The following PCDHGB1 variants were observed in gnomAD, a reference collection of about 807,000 sequenced individuals.
The protein encoded by PCDHGB1 is protocadherin gamma subfamily B, 1.
PCDHGB1 carries 34 observed loss-of-function variants against 56.6 expected under a neutral mutation model. The observed-to-expected ratio is 0.60, with a 90% confidence interval of 0.46 to 0.80. The LOEUF is 0.80. Among genes scored for constraint, PCDHGB1 ranks in the 30% least tolerant of loss-of-function variants. The probability of loss-of-function intolerance (pLI) is 0.00; values close to 1 mark genes in which losing one functional copy is unlikely to be tolerated. For missense variants in PCDHGB1, 1,278 were observed against 1,204.6 expected, an observed-to-expected ratio of 1.06 and a Z score of -0.90; for synonymous variants, 561 against 505.9, an observed-to-expected ratio of 1.11 and a Z score of -1.46.
At chr5:141,445,838 A>T (rs1302150397) in intron 1 of PCDHGB1, among the ~76,000 whole-genome samples, 1 of 152,218 alleles carries the variant, frequency 6.6e-6, no homozygotes, top group South Asian at 2.1e-4. Flanking sequence ...GAGCCTTGTA[A>T]ATCACACTTA....
intron 1 of PCDHGB1, chr5:141,405,103 G>T (rs368202826): frequency 3.1e-6 from 5 of 1,613,804 alleles, no homozygotes; most frequent in Non-Finnish European, 4.2e-6. Flanking sequence ...TCAGGCTGAG[G>T]CACTGGCACT....
intron 1 of PCDHGB1, among the ~76,000 whole-genome samples, chr5:141,460,251 A>G (rs2098984972): frequency 6.6e-6 from 1 of 152,114 alleles, no homozygotes; most frequent in Admixed American, 6.6e-5. Context: ...TAATTTTGAT[A>G]AAGCCCAATT....
Position 141,402,817 on chromosome 5 carries a change from C to T in PCDHGB1, c.2409+50148C>T, listed in dbSNP as rs1040353038. On this transcript the variant is annotated intron_variant, in intron 1 of 3. Transcript: ENST00000523390. ...ACAAAACCCGGCAGATACCACAAACCTGCTCCCAGGCTGCAGCAAAACTCA... is the reference window on the plus strand; with the variant it reads ...ACAAAACCCGGCAGATACCACAAACTTGCTCCCAGGCTGCAGCAAAACTCA... The T allele has an allele frequency of 6.3e-6, 8 of 1,267,616 alleles. No homozygotes were observed. In the African/African-American group the frequency reaches 1.2e-4, roughly 19 times the overall value. The allele number at this position is 1,267,616 out of a possible 1,614,324, so 78.5% of individuals were successfully genotyped here.
At chr5:141,355,439 G>T in intron 1 of PCDHGB1, 1 of 1,614,108 alleles carries the variant, frequency 6.2e-7, no homozygotes, top group Non-Finnish European at 8.5e-7. Flanking sequence ...CTGAACCCGC[G>T]CAGCGGCACC....
chr5:141,473,237 A>C (rs2099317600), intron 1 of PCDHGB1, among the ~76,000 whole-genome samples: 1 of 152,194 alleles, frequency 6.6e-6, no homozygotes, highest in African/African-American at 2.4e-5. Context: ...GATCCACACA[A>C]GTGAATACAT....
intron 1 of PCDHGB1, chr5:141,428,087 G>A (rs2097108117): frequency 6.2e-7 from 1 of 1,609,106 alleles, no homozygotes; most frequent in Non-Finnish European, 8.5e-7. Context: ...ACAACGCTTG[G>A]CTGTCCTACC....
chr5:141,387,299 G>A (rs1405240674), intron 1 of PCDHGB1, among the ~76,000 whole-genome samples: 2 of 152,182 alleles, frequency 1.3e-5, no homozygotes, highest in South Asian at 2.1e-4. Flanking sequence ...AATGTATCCA[G>A]TATATTTCTA....
chr5:141,360,270 G>T (rs1761507525), intron 1 of PCDHGB1: 2 of 1,613,904 alleles, frequency 1.2e-6, no homozygotes, highest in African/African-American at 1.3e-5. Flanking sequence ...CCAAAAACTC[G>T]GTCGTAGGAA....
At chr5:141,505,559 G>A (rs1215110084) in intron 3 of PCDHGB1, 78 bp downstream of exon 3, 27 of 1,604,592 alleles carry the variant, frequency 1.7e-5, no homozygotes, top group Non-Finnish European at 2.0e-5. Flanking sequence ...CCATGCCCAC[G>A]GACTGGATGT....
At chr5:141,387,628 G>A (rs2091015052) in intron 1 of PCDHGB1, 1 of 577,308 alleles carries the variant, frequency 1.7e-6, no homozygotes, top group Admixed American at 3.5e-5. Context: ...GCTGACTCTG[G>A]GCGCCGCTGT....
intron 1 of PCDHGB1, chr5:141,412,489 T>C (rs1292155082): frequency 6.6e-6 from 1 of 152,176 alleles, no homozygotes; most frequent in East Asian, 1.9e-4. Context: ...TCTTACACAA[T>C]CCTAAGCTAA....
chr5:141,437,165 T>A (rs62379162), intron 1 of PCDHGB1, among the ~76,000 whole-genome samples: 3,747 of 152,330 alleles, frequency 0.025, 69 homozygotes, highest in Middle Eastern at 0.085. Context: ...TGTTGATTGT[T>A]TTCTGAGACT....
chr5:141,422,670 C>CA (rs754910458), intron 1 of PCDHGB1: 6 of 1,607,126 alleles, frequency 3.7e-6, no homozygotes, highest in Non-Finnish European at 1.7e-6. Flanking sequence ...TCGACCCGGA[C>CA]AGCAAACAGA....
chr5:141,436,063 A>G (rs1406994228), intron 1 of PCDHGB1, among the ~76,000 whole-genome samples: 1 of 152,230 alleles, frequency 6.6e-6, no homozygotes, highest in Non-Finnish European at 1.5e-5. Flanking sequence ...ATAGAATTTA[A>G]TAAGTACAGT....
At chr5:141,415,116 A>T in intron 1 of PCDHGB1, 1 of 1,613,652 alleles carries the variant, frequency 6.2e-7, no homozygotes, top group Non-Finnish European at 8.5e-7. Flanking sequence ...AAAGCCTCGT[A>T]GTGGCCGTCC....
At position 141,355,028 on chromosome 5, in the gene PCDHGB1, C is replaced by T. The variant is rs1759694339; in HGVS notation, c.2409+2359C>T. Reference sequence around the variant, plus strand: ...CAAACCAGAAATTTAATCAGAATCACAAGATTTCTGCAGCACAAAGCACTG... The same window carrying T: ...CAAACCAGAAATTTAATCAGAATCATAAGATTTCTGCAGCACAAAGCACTG... On this transcript the variant is annotated intron_variant, in intron 1 of 3. Transcript: ENST00000523390. The T allele has an allele frequency of 1.3e-5, 13 of 968,218 alleles. No individual in the cohort carries two copies. The South Asian group carries it at 3.2e-4, about 24-fold the overall frequency. The allele number at this position is 968,218 out of a possible 1,614,324, so 60.0% of individuals were successfully genotyped here.
rs546302275 is a variant in PCDHGB1, at chr5:141,362,788, CT to C, written c.2409+10121del. Among the ~76,000 whole-genome samples, 614 of 152,314 alleles carry C rather than the reference CT, an allele frequency of 4.0e-3. 6 individuals are homozygous for C. Among genetic ancestry groups the C allele is most frequent in the Admixed American group, 0.011 (171 of 15,302 alleles). On this transcript the variant is annotated intron_variant, in intron 1 of 3. Coordinates refer to ENST00000523390, the MANE Select transcript of PCDHGB1 (RefSeq NM_018922.3). ...GAGATATTGCACTGTATTTCTTTTT[CT>C]TCCTCATCTTTACATTACTTCTCTC...
chr5:141,409,697 C>A (rs372548874), intron 1 of PCDHGB1: 1 of 1,613,178 alleles, frequency 6.2e-7, no homozygotes, highest in African/African-American at 1.3e-5. Context: ...CCTAGAGCCC[C>A]TGGCGGTGTC....
At chr5:141,384,642 C>T (rs373564078) in intron 1 of PCDHGB1, 5 of 1,614,214 alleles carry the variant, frequency 3.1e-6, no homozygotes, top group South Asian at 2.2e-5. Flanking sequence ...CACCCCGCTC[C>T]GCAGAGCCCG....
Sources: allele counts gnomAD v4.1 joint callset (sites outside exome capture counted in the v4.1 genomes callset), GRCh38; gene constraint gnomAD v4.1.1; transcripts MANE v1.5; gene names NCBI Gene and HGNC (gene_info 2026-07-23, HGNC 2026-07-21).